Variants in ABHD12B observed in about 807,000 individuals in gnomAD.
ABHD12B encodes abhydrolase domain containing 12B, also known as protein ABHD12B.
In ABHD12B, 42 loss-of-function variants were observed where a neutral mutation model predicts 50.4. The observed-to-expected ratio is 0.83, with a 90% CI of 0.65 to 1.08. ABHD12B has a LOEUF of 1.08. ABHD12B is among the 50% of genes least tolerant of loss of function. The pLI is 0.00. For missense variants in ABHD12B, 479 were observed against 447.7 expected, an observed-to-expected ratio of 1.07 and a Z score of -0.63; for synonymous variants, 167 against 160.3, an observed-to-expected ratio of 1.04 and a Z score of -0.32.
chr14:50,877,253 A>C (rs555826606), intron 1 of ABHD12B, among the ~76,000 whole-genome samples: 1 of 152,320 alleles, frequency 6.6e-6, no homozygotes, highest in South Asian at 2.1e-4. Context: ...GGATCTAGGG[A>C]TTATTCCCTC....
chr14:50,897,801 T>A (rs59643200), intron 9 of ABHD12B, among the ~76,000 whole-genome samples: 1,525 of 152,358 alleles, frequency 0.01, 25 homozygotes, highest in African/African-American at 0.035. Context: ...TTGTGAAGAC[T>A]GAATTAAGTA....
At position 50,886,236 on chromosome 14, in the gene ABHD12B, G is replaced by A. The variant is rs192264286; in HGVS notation, c.662+341G>A. Among the ~76,000 whole-genome samples the A allele has an allele frequency of 3.5e-3, 531 of 152,132 alleles. No individual in the cohort carries two copies. The Middle Eastern group carries it at 0.041, about 12-fold the overall frequency. On this transcript the variant is annotated intron_variant, in intron 7 of 12. Transcript: ENST00000337334. ...GCAGATCACTTGAGGCCAGGAGTTCGAGACTAGCCTGGCCAACATGGCCAA... is the reference window on the plus strand; with the variant it reads ...GCAGATCACTTGAGGCCAGGAGTTCAAGACTAGCCTGGCCAACATGGCCAA...
intron 2 of ABHD12B, among the ~76,000 whole-genome samples, chr14:50,878,332 C>T (rs2049891689): frequency 6.6e-6 from 1 of 152,174 alleles, no homozygotes. Context: ...TACCTGCTTG[C>T]CTCCTGGTAA....
At chr14:50,877,225 A>G (rs746191798) in intron 1 of ABHD12B, among the ~76,000 whole-genome samples, 1 of 152,006 alleles carries the variant, frequency 6.6e-6, no homozygotes, top group African/African-American at 2.4e-5. Flanking sequence ...TCTTCCTAAG[A>G]TAAGTCCAGA....
intron 5 of ABHD12B, among the ~76,000 whole-genome samples, chr14:50,884,601 A>C (rs779037559): frequency 9.2e-5 from 14 of 152,202 alleles, no homozygotes; most frequent in Non-Finnish European, 1.5e-4. Flanking sequence ...TATCTACTTT[A>C]CAGTACAGTT....
chr14:50,901,439 T>G (rs992766678), intron 9 of ABHD12B, among the ~76,000 whole-genome samples: 1 of 152,248 alleles, frequency 6.6e-6, no homozygotes, highest in African/African-American at 2.4e-5. Flanking sequence ...TATTGTATAT[T>G]TTCATCAGAA....
chr14:50,896,616 G>C lies in ABHD12B; in HGVS notation c.781-5213G>C, dbSNP rs929511487. On this transcript the variant is annotated intron_variant, in intron 9 of 12. Transcript: ENST00000337334. The stretch of plus-strand genomic sequence containing the variant: ...GCTCAGAAGCTGCCCCACCTTAACT[G>C]AGTGATTAACCCTGCGAATTTCCTT... 1.6e-4 allele frequency among the ~76,000 whole-genome samples: 22 copies of C among 137,636 alleles called. 1 individual carries two copies. The highest frequency in any genetic ancestry group is 5.5e-4 in the African/African-American group (22 of 39,964). 90.3% of individuals were successfully genotyped at this position (137,636 alleles called of 152,430 possible).
intron 9 of ABHD12B, among the ~76,000 whole-genome samples, chr14:50,894,542 C>T (rs996479322): frequency 6.6e-6 from 1 of 152,142 alleles, no homozygotes. Flanking sequence ...ATCTAAATGA[C>T]TTATTTTCTT....
intron 9 of ABHD12B, among the ~76,000 whole-genome samples, chr14:50,895,009 G>C (rs1342490379): frequency 1.3e-5 from 2 of 149,268 alleles, no homozygotes; most frequent in African/African-American, 2.6e-5. Context: ...CTCTTAAAAA[G>C]GTGGCTGGAG....
At chr14:50,885,506 C>G (rs2050022924) in intron 5 of ABHD12B, 108 bp from the exon 6 acceptor site, 2 of 1,273,344 alleles carry the variant, frequency 1.6e-6, no homozygotes, top group South Asian at 2.5e-5. Context: ...GTTAAAATTA[C>G]CTTTGAAAGA....
intron 1 of ABHD12B, among the ~76,000 whole-genome samples, chr14:50,877,504 A>G (rs1367298799): frequency 6.6e-6 from 1 of 152,018 alleles, no homozygotes; most frequent in Non-Finnish European, 1.5e-5. Context: ...GCCCTGCCCT[A>G]TTACTTTCCT....
chr14:50,903,599 G>T, intron 11 of ABHD12B, 132 bp downstream of exon 11: 1 of 616,900 alleles, frequency 1.6e-6, no homozygotes. Flanking sequence ...CCCCTAAATA[G>T]CCTCTATAGG....
intron 2 of ABHD12B, among the ~76,000 whole-genome samples, chr14:50,878,394 G>A (rs181636079): frequency 3.9e-5 from 6 of 152,274 alleles, no homozygotes; most frequent in Admixed American, 3.3e-4. Flanking sequence ...AGGTTTCACC[G>A]AAGTAGCAGA....
At chr14:50,878,119 T>C in intron 2 of ABHD12B, 40 bp downstream of exon 2, 1 of 1,477,736 alleles carries the variant, frequency 6.8e-7, no homozygotes, top group South Asian at 1.3e-5. Flanking sequence ...ATATAATTTT[T>C]CCCAAATAAA....
At chr14:50,886,762 C>A in intron 8 of ABHD12B, 78 bp downstream of exon 8, 2 of 1,364,440 alleles carry the variant, frequency 1.5e-6, no homozygotes, top group Non-Finnish European at 2.0e-6. Context: ...CTATTGTGTA[C>A]ACTTTGAACA....
In ABHD12B at chr14:50,880,477, G is replaced by T. The variant is rs368157046; in HGVS notation, c.361G>T (p.Glu121Ter). The change falls in exon 4 of 13, where the codon GAA becomes TAA. Residue 121 changes from glutamate (E) to a stop codon, truncating the protein, a stop_gained. Coordinates refer to ENST00000337334, the MANE Select transcript of ABHD12B (RefSeq NM_001206673.2). LOFTEE classifies it high-confidence loss of function. ...IWHTVPSCRG[E>*]DAKGKDCCWY... Reference sequence around the variant, plus strand: ...GCACACAGTCCCCAGCTGCCGGGGGGAAGATGCCAAGGGGAAGGACTGTTG... The same window carrying T: ...GCACACAGTCCCCAGCTGCCGGGGGTAAGATGCCAAGGGGAAGGACTGTTG... The T allele has an allele frequency of 6.7e-5, 108 of 1,610,100 alleles. No individual in the cohort carries two copies. Among genetic ancestry groups the T allele is most frequent in the Non-Finnish European group, 8.7e-5 (102 of 1,178,294 alleles).
At chr14:50,874,576 G>A (rs550533844) in intron 1 of ABHD12B, among the ~76,000 whole-genome samples, 60 of 152,014 alleles carry the variant, frequency 3.9e-4, no homozygotes, top group East Asian at 1.9e-3. Context: ...CTCCAGCCTG[G>A]GTGACAGAGC....
At chr14:50,886,467 G>GAAAGAAA in intron 7 of ABHD12B, among the ~76,000 whole-genome samples, 180 bp from the exon 8 acceptor site, 1 of 148,722 alleles carries the variant, frequency 6.7e-6, no homozygotes, top group East Asian at 2.0e-4. Context: ...AAGAAAGAAA[G>GAAAGAAA]AAAGAAAATG....
At chr14:50,885,018 T>A (rs1179874961) in intron 5 of ABHD12B, among the ~76,000 whole-genome samples, 1 of 152,226 alleles carries the variant, frequency 6.6e-6, no homozygotes, top group African/African-American at 2.4e-5. Flanking sequence ...GAGACATTTA[T>A]AGACCTAAAG....
Sources: gnomAD v4.1 joint callset for allele counts (sites outside exome capture counted in the v4.1 genomes callset) on GRCh38, gnomAD v4.1.1 for gene constraint, MANE v1.5 for transcripts, NCBI Gene and HGNC (gene_info 2026-07-23, HGNC 2026-07-21) for gene names.